The following ZCWPW2 variants were observed in gnomAD, a reference collection of about 807,000 sequenced individuals.
The protein encoded by ZCWPW2 is zinc finger CW-type and PWWP domain containing 2, also known as zinc finger CW-type PWWP domain protein 2.
A neutral mutation model predicts 46.6 loss-of-function variants in ZCWPW2; 45 were observed. The ratio of observed to expected loss-of-function variants is 0.96; its 90% CI spans 0.76 to 1.24. The LOEUF (loss-of-function observed/expected upper bound fraction) is 1.24. ZCWPW2 is among the 50% of genes most tolerant of loss of function. The probability of loss-of-function intolerance (pLI) is 0.00; values close to 1 mark genes in which losing one functional copy is unlikely to be tolerated. For missense variants in ZCWPW2, 429 were observed against 403.9 expected (o/e 1.06, Z -0.53); for synonymous variants, 152 against 137.1 (o/e 1.11, Z -0.76).
At chr3:28,391,654 A>G (rs1046696265) in intron 2 of ZCWPW2, among the ~76,000 whole-genome samples, 2 of 152,162 alleles carry the variant, frequency 1.3e-5, no homozygotes, top group African/African-American at 2.4e-5. Context: ...TGCAGTTTTC[A>G]CGGAATCCTC....
chr3:28,495,626 T>C (rs1483843293), intron 6 of ZCWPW2, among the ~76,000 whole-genome samples: 1 of 152,054 alleles, frequency 6.6e-6, no homozygotes, highest in Non-Finnish European at 1.5e-5. Context: ...TTTTTTTGTC[T>C]GTTGAATCTG....
chr3:28,349,088 C>T lies in ZCWPW2; in HGVS notation c.-249C>T. On this transcript the variant is annotated 5_prime_UTR_variant, in exon 1 of 10. Transcript: ENST00000383768. ...GGGCGTTAGCGAAGCCAGGTTCGGT[C>T]GTGGGGGTGGGGAAGTGCAGGAGTG... 1 of 985,626 alleles carries T rather than the reference C, an allele frequency of 1.0e-6. No individual in the cohort carries two copies. 61.1% of individuals were successfully genotyped at this position (985,626 alleles called of 1,614,324 possible). A position where few individuals can be genotyped will look rare whatever the true frequency, so the allele number is the denominator to read the frequency against.
intron 2 of ZCWPW2, among the ~76,000 whole-genome samples, chr3:28,395,291 G>A: frequency 6.6e-6 from 1 of 152,068 alleles, no homozygotes. Flanking sequence ...GCATCCTTTT[G>A]CACTGTAATG....
intron 4 of ZCWPW2, among the ~76,000 whole-genome samples, chr3:28,470,532 C>G (rs182251409): frequency 1.5e-3 from 221 of 146,680 alleles, no homozygotes; most frequent in Middle Eastern, 0.014. Context: ...TTTAAAAATT[C>G]ATTGAAACAA....
At chr3:28,431,821 A>T (rs1183930501) in intron 3 of ZCWPW2, among the ~76,000 whole-genome samples, 2 of 152,192 alleles carry the variant, frequency 1.3e-5, no homozygotes, top group African/African-American at 4.8e-5. Context: ...TAATAAAGAC[A>T]TACTTGAGAC....
intron 8 of ZCWPW2, among the ~76,000 whole-genome samples, chr3:28,518,162 A>C (rs1439848693): frequency 6.8e-6 from 1 of 147,446 alleles, no homozygotes; most frequent in Non-Finnish European, 1.5e-5. Context: ...AAAAATCTAG[A>C]TATGGACTTC....
intron 4 of ZCWPW2, among the ~76,000 whole-genome samples, chr3:28,435,576 C>T (rs1697449740): frequency 6.6e-6 from 1 of 150,478 alleles, no homozygotes; most frequent in Non-Finnish European, 1.5e-5. Flanking sequence ...AGCTCCGCCT[C>T]CTGGGTTCAC....
intron 8 of ZCWPW2, 49 bp from the exon 9 acceptor site, chr3:28,520,943 G>T: frequency 6.2e-7 from 1 of 1,603,522 alleles, no homozygotes; most frequent in South Asian, 1.1e-5. Context: ...GAATTAGATT[G>T]AATTAAGTGA....
chr3:28,383,616 A>G (rs1695174554), intron 1 of ZCWPW2, among the ~76,000 whole-genome samples: 1 of 152,006 alleles, frequency 6.6e-6, no homozygotes, highest in African/African-American at 2.4e-5. Flanking sequence ...TGTGTGTTAA[A>G]GCTGAGTGGG....
At chr3:28,509,219 CTT>C (rs1344578216) in intron 6 of ZCWPW2, among the ~76,000 whole-genome samples, 1 of 152,100 alleles carries the variant, frequency 6.6e-6, no homozygotes, top group African/African-American at 2.4e-5. Context: ...ATATACGACA[CTT>C]TATCCATTGG....
rs1464570974 is a variant in ZCWPW2, at chr3:28,458,187, GCT to G, written c.493-20624_493-20623del. 4.6e-5 allele frequency among the ~76,000 whole-genome samples: 7 copies of G among 152,242 alleles called. No individual in the cohort carries two copies. The East Asian group carries it at 1.4e-3, about 29-fold the overall frequency. ...TCTAGGTTGTCTGTTATGAATTACA[GCT>G]CTGTCTTACTCTCTATGTAAACTTA... is the stretch of plus-strand genomic sequence containing the variant. On this transcript the variant is annotated intron_variant, in intron 4 of 9. Transcript: ENST00000383768.
intron 3 of ZCWPW2, among the ~76,000 whole-genome samples, chr3:28,430,231 C>T (rs965462475): frequency 6.6e-6 from 1 of 152,194 alleles, no homozygotes; most frequent in South Asian, 2.1e-4. Context: ...GCTGTGGGAG[C>T]CCACCTCTTG....
chr3:28,410,387 G>T (rs1294045848), intron 2 of ZCWPW2, among the ~76,000 whole-genome samples: 1 of 150,010 alleles, frequency 6.7e-6, no homozygotes, highest in Non-Finnish European at 1.5e-5. Flanking sequence ...ATGATTAAAT[G>T]TACACCTTGC....
chr3:28,349,294 G>A (rs1395842377), intron 1 of ZCWPW2, 91 bp downstream of exon 1: 1 of 815,656 alleles, frequency 1.2e-6, no homozygotes, highest in Admixed American at 6.3e-5. Flanking sequence ...GTGTCCTTTT[G>A]GGGGGTCCCC....
At chr3:28,417,168 A>C (rs1696619000) in intron 3 of ZCWPW2, among the ~76,000 whole-genome samples, 1 of 152,008 alleles carries the variant, frequency 6.6e-6, no homozygotes, top group African/African-American at 2.4e-5. Flanking sequence ...ATAAAGAAGA[A>C]AAGACAAAGG....
At chr3:28,467,337 A>G (rs1041840424) in intron 4 of ZCWPW2, among the ~76,000 whole-genome samples, 8 of 150,280 alleles carry the variant, frequency 5.3e-5, no homozygotes, top group African/African-American at 1.8e-4. Flanking sequence ...GGGATATTTA[A>G]AAAATATATA....
intron 4 of ZCWPW2, among the ~76,000 whole-genome samples, chr3:28,463,622 C>T (rs1279045907): frequency 6.6e-6 from 1 of 152,074 alleles, no homozygotes; most frequent in Non-Finnish European, 1.5e-5. Flanking sequence ...GCAGGATTTA[C>T]AAGGAGGTGC....
chr3:28,474,804 TTTGTTG>T (rs139673277), intron 4 of ZCWPW2, among the ~76,000 whole-genome samples: 45,028 of 148,712 alleles, frequency 0.3, 7,353 homozygotes, highest in African/African-American at 0.41. Context: ...GTCTGAACTA[TTTGTTG>T]TTGTTGTTGT....
intron 8 of ZCWPW2, among the ~76,000 whole-genome samples, chr3:28,516,227 A>G (rs1185350938): frequency 1.3e-5 from 2 of 151,362 alleles, no homozygotes; most frequent in African/African-American, 4.9e-5. Flanking sequence ...GCGACAGAAC[A>G]ACAGAATGAC....
Sources: gnomAD v4.1 joint callset for allele counts (sites outside exome capture counted in the v4.1 genomes callset) on GRCh38, gnomAD v4.1.1 for gene constraint, MANE v1.5 for transcripts, NCBI Gene and HGNC (gene_info 2026-07-23, HGNC 2026-07-21) for gene names.